Variants in PPP4C observed in about 807,000 individuals in gnomAD.
PPP4C encodes the protein serine/threonine-protein phosphatase 4 catalytic subunit.
In PPP4C, 10 loss-of-function variants were observed where a neutral mutation model predicts 40.5. The observed-to-expected ratio is 0.25, with a 90% confidence interval of 0.15 to 0.42. The LOEUF is 0.42. Ranked by LOEUF, PPP4C falls within the 10% of genes least tolerant of loss-of-function variation. The pLI is 1.00. For synonymous variants in PPP4C, 187 were observed against 163.6 expected, an observed-to-expected ratio of 1.14 and a Z score of -1.09; for missense variants, 191 against 416.4, an observed-to-expected ratio of 0.46 and a Z score of 4.71.
At chr16:30,082,082 G>T (rs1010470846) in intron 3 of PPP4C, among the ~76,000 whole-genome samples, 3 of 151,974 alleles carry the variant, frequency 2.0e-5, no homozygotes, top group Non-Finnish European at 2.9e-5. Context: ...GGAAAGAAAA[G>T]AAAGGGGTTA....
chr16:30,077,985 T>A (rs1172231974), intron 2 of PPP4C, among the ~76,000 whole-genome samples: 1 of 152,202 alleles, frequency 6.6e-6, no homozygotes, highest in African/African-American at 2.4e-5. Flanking sequence ...TTTTCTCTTT[T>A]GCCAGCTGAC....
In PPP4C at chr16:30,083,118, A is replaced by T. The variant is rs904015462; in HGVS notation, c.303+271A>T. On this transcript the variant is annotated intron_variant, in intron 5 of 8. Transcript: ENST00000279387. This position sits in a 1 kb window ranked among gnomAD's most constrained non-coding sequence, Gnocchi z 6.3. The stretch of plus-strand genomic sequence containing the variant: ...AGAGGCAGTGTGGGGCCAGATGACA[A>T]AGGGCCTGGGTGCCTTGCTAGGGAC... The T allele has an allele frequency of 8.5e-6, 5 of 589,964 alleles. No homozygotes were observed. In the East Asian group the frequency reaches 1.1e-4, roughly 13 times the overall value. 36.5% of individuals were successfully genotyped at this position (589,964 alleles called of 1,614,324 possible).
rs1283720744 is a variant in PPP4C at position 30,085,043 on chromosome 16, T to C, written c.905T>C (p.Val302Ala). ...CGGGGCATCCCCTCCAAGAAGCCCG[T>C]GGCCGACTACTTCCTGTGACCCCGC... is the stretch of plus-strand genomic sequence containing the variant. ...ETRGIPSKKP[V>A]ADYFL Residue 302 changes from valine to alanine, a missense_variant, in exon 9 of 9, where the codon GTG becomes GCG. By Grantham distance (64) the Val-to-Ala change is moderately conservative (BLOSUM62 0). This residue lies in a region of PPP4C where 20 missense variants were observed against 41.0 expected (regional missense o/e 0.49). Transcript: ENST00000279387. 1 of 1,613,944 alleles carries C rather than the reference T, an allele frequency of 6.2e-7. No individual in the cohort carries two copies. The highest frequency in any genetic ancestry group is 8.5e-7 in the Non-Finnish European group (1 of 1,180,032).
chr16:30,081,777 G>A (rs147760526), intron 3 of PPP4C: 1,761 of 160,238 alleles, frequency 0.011, 30 homozygotes, highest in African/African-American at 0.04. Context: ...AAAACAGGCC[G>A]GGCGCGGCGG....
intron 3 of PPP4C, chr16:30,081,698 A>C (rs193238205): frequency 1.2e-5 from 2 of 167,422 alleles, no homozygotes; most frequent in Admixed American, 1.1e-4. Context: ...AGCTGAGATC[A>C]GGCCACTGCA....
intron 1 of PPP4C, 35 bp from the exon 2 acceptor site, chr16:30,076,280 A>T (rs1161299945): frequency 1.6e-6 from 2 of 1,253,810 alleles, no homozygotes; most frequent in Non-Finnish European, 2.3e-6. Flanking sequence ...CCCCGGACGG[A>T]CACTGATCCG....
intron 4 of PPP4C, 73 bp from the exon 5 acceptor site, chr16:30,082,673 C>T: frequency 6.5e-7 from 1 of 1,534,534 alleles, no homozygotes; most frequent in East Asian, 2.3e-5. Context: ...GGAAGAAGGG[C>T]CTCCGCTGGA....
At position 30,083,655 on chromosome 16, in the gene PPP4C, ATCT is replaced by A. The variant is rs2072554032; in HGVS notation, c.482_484del (p.Phe161del). ...CCTCTTTCCCTGCTCTCCCCTGTAG[ATCT>A]TCTGCGTGCACGGGGGCCTCTCCCC... is the stretch of plus-strand genomic sequence containing the variant. On this transcript the variant is annotated inframe_deletion and splice_region_variant, in exon 7 of 9. Coordinates refer to ENST00000279387, the MANE Select transcript of PPP4C (RefSeq NM_002720.3). This position sits in a 1 kb window ranked among gnomAD's most constrained non-coding sequence, Gnocchi z 6.3. 6.2e-7 allele frequency: 1 copy of A among 1,614,056 alleles called. No homozygotes were observed. Among genetic ancestry groups the A allele is most frequent in the South Asian group, 1.1e-5 (1 of 91,080 alleles).
At chr16:30,081,972 G>A (rs1182319607) in intron 3 of PPP4C, among the ~76,000 whole-genome samples, 1 of 151,218 alleles carries the variant, frequency 6.6e-6, no homozygotes, top group Non-Finnish European at 1.5e-5. Flanking sequence ...GGAGAATGAC[G>A]TGAACCCAGG....
rs577878923 is a variant in PPP4C, at chr16:30,083,181, G to A, written c.304-213G>A. ...TGGTAGGTGAAAGAAGAGCCATTAG[G>A]TTCATAGTTGAGGGAATGGGTCAGC... On this transcript the variant is annotated intron_variant, in intron 5 of 8. Transcript: ENST00000279387. The surrounding 1 kb of genome is among the most constrained non-coding windows in gnomAD (Gnocchi z 6.3). 6.2e-3 allele frequency: 3,893 copies of A among 631,010 alleles called. 155 individuals are homozygous for A. The South Asian group carries it at 0.071, about 12-fold the overall frequency. The allele number at this position is 631,010 out of a possible 1,614,324, so 39.1% of individuals were successfully genotyped here. A position where few individuals can be genotyped will look rare whatever the true frequency, so the allele number is the denominator to read the frequency against.
At chr16:30,076,572 T>A in intron 2 of PPP4C, 97 bp downstream of exon 2, 1 of 1,269,468 alleles carries the variant, frequency 7.9e-7, no homozygotes, top group Non-Finnish European at 1.1e-6. Flanking sequence ...TGCCTCGTTC[T>A]GGAAGCTTTC....
At position 30,076,029 on chromosome 16, in the gene PPP4C, C is replaced by T; in HGVS notation, c.-129C>T. ...GGAGCGGCGGCGGCGGCGGCGGCGG[C>T]GGTCGAAAGCGGAGTGAAAGAGGGA... On this transcript the variant is annotated 5_prime_UTR_variant, in exon 1 of 9. Transcript: ENST00000279387. The T allele has an allele frequency of 2.4e-4, 88 of 372,472 alleles. No homozygotes were observed. Among genetic ancestry groups the T allele is most frequent in the Middle Eastern group, 1.5e-3 (2 of 1,298 alleles). 23.1% of individuals were successfully genotyped at this position (372,472 alleles called of 1,614,324 possible).
At position 30,076,006 on chromosome 16, in the gene PPP4C, A is replaced by G. The variant is rs1156741697; in HGVS notation, c.-152A>G. ...CTTCCGCGGCGGGGCCGGAAGTAGG[A>G]GCGGCGGCGGCGGCGGCGGCGGCGG... is the stretch of plus-strand genomic sequence containing the variant. On this transcript the variant is annotated 5_prime_UTR_variant, in exon 1 of 9. Transcript: ENST00000279387. The G allele has an allele frequency of 1.7e-5, 6 of 351,734 alleles. No individual in the cohort carries two copies. Among genetic ancestry groups the G allele is most frequent in the African/African-American group, 6.8e-5 (3 of 44,314 alleles). 21.8% of individuals were successfully genotyped at this position (351,734 alleles called of 1,614,324 possible). A position where few individuals can be genotyped will look rare whatever the true frequency, so the allele number is the denominator to read the frequency against.
rs1596841077 is a variant in PPP4C at position 30,083,940 on chromosome 16, A to G, written c.604+159A>G. The G allele has an allele frequency of 3.5e-6, 4 of 1,144,956 alleles. No individual in the cohort carries two copies. The highest frequency in any genetic ancestry group is 5.1e-5 in the East Asian group (2 of 39,252). 70.9% of individuals were successfully genotyped at this position (1,144,956 alleles called of 1,614,324 possible). ...CCTGCATGGCAGGTGCTTTGAGCAC[A>G]CAGTGGCTTGGGGCATGGCCCAGAG... On this transcript the variant is annotated intron_variant, in intron 7 of 8. Transcript: ENST00000279387. This position sits in a 1 kb window ranked among gnomAD's most constrained non-coding sequence, Gnocchi z 6.3.
Position 30,081,283 on chromosome 16 carries a change from C to T in PPP4C, c.123C>T (p.Asn41=), listed in dbSNP as rs761645026. The part of the protein sequence containing the change: ...KAREILVEES[N]VQRVDSPVTV... The stretch of plus-strand genomic sequence containing the variant: ...GAGAGATCTTGGTAGAGGAGAGCAA[C>T]GTGCAGAGGGTGGACTCGCCAGTCA... Residue 41 remains asparagine (N), a synonymous_variant, in exon 3 of 9, where the codon AAC becomes AAT. Transcript: ENST00000279387. The T allele has an allele frequency of 6.8e-6, 11 of 1,613,694 alleles. No homozygotes were observed. Among genetic ancestry groups the T allele is most frequent in the South Asian group, 1.1e-5 (1 of 91,082 alleles).
intron 2 of PPP4C, 177 bp from the exon 3 acceptor site, chr16:30,081,082 G>A: frequency 7.8e-6 from 6 of 766,090 alleles, no homozygotes; most frequent in East Asian, 2.6e-5. Context: ...AGGGGGCCAC[G>A]GAAGGGTGTT....
In PPP4C at chr16:30,083,264, A is replaced by T; in HGVS notation, c.304-130A>T. 9.3e-7 allele frequency: 1 copy of T among 1,077,030 alleles called. No homozygotes were observed. Among genetic ancestry groups the T allele is most frequent in the Non-Finnish European group, 1.4e-6 (1 of 739,186 alleles). The allele number at this position is 1,077,030 out of a possible 1,614,324, so 66.7% of individuals were successfully genotyped here. A position where few individuals can be genotyped will look rare whatever the true frequency, so the allele number is the denominator to read the frequency against. ...GGAGGTGGCTGATGCCACACGATTC[A>T]GGCAAGAGGTGCCAGGAGTGTGCTG... On this transcript the variant is annotated intron_variant, in intron 5 of 8. Coordinates refer to ENST00000279387, the MANE Select transcript of PPP4C (RefSeq NM_002720.3). The surrounding 1 kb of genome is among the most constrained non-coding windows in gnomAD (Gnocchi z 6.3).
At chr16:30,079,324 G>C (rs149600985) in intron 2 of PPP4C, among the ~76,000 whole-genome samples, 220 of 151,838 alleles carry the variant, frequency 1.4e-3, no homozygotes, top group African/African-American at 5.1e-3. Flanking sequence ...CAAGTAGCTG[G>C]GATTACAGGC....
At chr16:30,077,799 GA>G (rs1209389523) in intron 2 of PPP4C, among the ~76,000 whole-genome samples, 1 of 152,220 alleles carries the variant, frequency 6.6e-6, no homozygotes. Context: ...ATGACTCGTA[GA>G]GGTCTGGTGA....
Sources: allele counts gnomAD v4.1 joint callset (sites outside exome capture counted in the v4.1 genomes callset), GRCh38; gene constraint gnomAD v4.1.1; regional missense constraint gnomAD v4.1.1; non-coding constraint Gnocchi (gnomAD v3.1); transcripts MANE v1.5; gene names NCBI Gene and HGNC (gene_info 2026-07-23, HGNC 2026-07-21).